The following USP24 variants were observed in gnomAD, a reference collection of about 807,000 sequenced individuals.
The protein encoded by USP24 is ubiquitin specific peptidase 24, also known as ubiquitin carboxyl-terminal hydrolase 24.
A neutral mutation model predicts 361.6 loss-of-function variants in USP24; 97 were observed. That is an observed-to-expected ratio of 0.27 (90% CI 0.23 to 0.32). The LOEUF (loss-of-function observed/expected upper bound fraction) is 0.32, where lower values mean the gene tolerates loss of function less well. USP24 is among the 10% of genes least tolerant of loss of function. The pLI, the probability that USP24 is intolerant of heterozygous loss-of-function variation, is 1.00. For missense variants in USP24, 2,353 were observed against 3,165.6 expected (o/e 0.74, Z 6.16); for synonymous variants, 1,098 against 1,124.6 (o/e 0.98, Z 0.47).
intron 47 of USP24, 77 bp downstream of exon 47, chr1:55,097,863 ATAC>A (rs978714999): frequency 6.5e-7 from 1 of 1,530,030 alleles, no homozygotes; most frequent in African/African-American, 1.4e-5. Context: ...TAGGAGCTTA[ATAC>A]TGATTTTACA....
chr1:55,106,248 T>A lies in USP24; in HGVS notation c.4778A>T (p.Lys1593Ile), dbSNP rs1188968476. The A allele has an allele frequency of 6.2e-7, 1 of 1,610,528 alleles. No individual in the cohort carries two copies. Residue 1593 changes from lysine to isoleucine, a missense_variant, in exon 41 of 68, where the codon AAA (lysine) becomes ATA (isoleucine). By Grantham distance (102) the Lys-to-Ile change is moderately radical. This residue lies in a region of USP24 where 949 missense variants were observed against 1,280.5 expected (regional missense o/e 0.74). Transcript: ENST00000294383. The part of the protein sequence containing the change: ...EKEMLGSSLI[K>I]PLLDDFLFRA... ...GAAAAGGAAGTCATCTAACAATGGTTTAATGAGTGATGAACCTGGAATAGA... is the reference window on the plus strand; with the variant it reads ...GAAAAGGAAGTCATCTAACAATGGTATAATGAGTGATGAACCTGGAATAGA...
At chr1:55,197,828 T>C (rs1644460720) in intron 1 of USP24, among the ~76,000 whole-genome samples, 1 of 152,228 alleles carries the variant, frequency 6.6e-6, no homozygotes, top group African/African-American at 2.4e-5. Flanking sequence ...CTGAAATCTA[T>C]CTCCACATAA....
chr1:55,193,807 G>A (rs1403668375), intron 1 of USP24, among the ~76,000 whole-genome samples: 2 of 151,940 alleles, frequency 1.3e-5, no homozygotes, highest in African/African-American at 2.4e-5. Flanking sequence ...TTTTTTACAT[G>A]AGCAAACAAA....
Position 55,147,665 on chromosome 1 carries a change from C to A in USP24, c.2102G>T (p.Arg701Leu), listed in dbSNP as rs979642953. The change falls in exon 18 of 68, where the codon CGG (arginine) becomes CTG (leucine). Residue 701 changes from arginine (R) to leucine (L), a missense_variant. By Grantham distance (102) the Arg-to-Leu change is moderately radical. This residue lies in a region of USP24 where 949 missense variants were observed against 1,280.5 expected (regional missense o/e 0.74). Coordinates refer to ENST00000294383, the MANE Select transcript of USP24 (RefSeq NM_015306.3). ...GLSGSTLVDGRYTYREYLEAH... is the reference protein window; with the variant it reads ...GLSGSTLVDGLYTYREYLEAH... ...GCCTGATACCTCCCGGTAAGTGTACCGGCCATCCACTAGTGTCGAGCCACT... is the reference window on the plus strand; with the variant it reads ...GCCTGATACCTCCCGGTAAGTGTACAGGCCATCCACTAGTGTCGAGCCACT... 1 of 1,608,240 alleles carries A rather than the reference C, an allele frequency of 6.2e-7. No individual in the cohort carries two copies. Among genetic ancestry groups the A allele is most frequent in the Non-Finnish European group, 8.5e-7 (1 of 1,177,346 alleles).
Position 55,124,701 on chromosome 1 carries a change from C to T in USP24, c.3961-73G>A, listed in dbSNP as rs1646377037. ...TGCCCTGACATGTACAACCTTCTTA[C>T]AGGTCTCAGTTTCATACGCCTCCTT... On this transcript the variant is annotated intron_variant, in intron 34 of 67. Coordinates refer to ENST00000294383, the MANE Select transcript of USP24 (RefSeq NM_015306.3). The T allele has an allele frequency of 2.6e-6, 4 of 1,545,726 alleles. No homozygotes were observed. In the South Asian group the frequency reaches 4.7e-5, roughly 18 times the overall value.
chr1:55,136,561 C>G (rs1646741464), intron 28 of USP24, among the ~76,000 whole-genome samples: 2 of 152,078 alleles, frequency 1.3e-5, no homozygotes. Flanking sequence ...CCAGGTGAGG[C>G]ATGGTGATTG....
chr1:55,150,608 T>C (rs894127167), intron 16 of USP24, among the ~76,000 whole-genome samples: 13 of 152,182 alleles, frequency 8.5e-5, no homozygotes, highest in African/African-American at 2.7e-4. Context: ...AAAAGTATCA[T>C]GATGGCCAAT....
chr1:55,104,545 T>G (rs1645722760), intron 41 of USP24, among the ~76,000 whole-genome samples: 1 of 152,216 alleles, frequency 6.6e-6, no homozygotes, highest in Non-Finnish European at 1.5e-5. Context: ...GCAAGCATTC[T>G]GCATGAAATC....
chr1:55,153,499 T>A (rs538584379), intron 16 of USP24, among the ~76,000 whole-genome samples: 1 of 152,306 alleles, frequency 6.6e-6, no homozygotes, highest in East Asian at 1.9e-4. Context: ...CTATGAATGC[T>A]CCTCCATTTC....
In USP24 at chr1:55,097,735, G is replaced by A. The variant is rs767226451; in HGVS notation, c.5596-18C>T. The stretch of plus-strand genomic sequence containing the variant: ...GTTATTCTCTAAAGAAAAAAAAAAG[G>A]AAAAAGAGCAAATCTGAATGATCTC... On this transcript the variant is annotated intron_variant, in intron 47 of 67. Transcript: ENST00000294383. 7 of 1,523,120 alleles carry A rather than the reference G, an allele frequency of 4.6e-6. No homozygotes were observed. The highest frequency in any genetic ancestry group is 6.1e-6 in the Non-Finnish European group (7 of 1,140,616). The allele number at this position is 1,523,120 out of a possible 1,614,324, so 94.4% of individuals were successfully genotyped here. A position where few individuals can be genotyped will look rare whatever the true frequency, so the allele number is the denominator to read the frequency against.
At chr1:55,199,613 G>C (rs1644511127) in intron 1 of USP24, among the ~76,000 whole-genome samples, 1 of 149,962 alleles carries the variant, frequency 6.7e-6, no homozygotes, top group Non-Finnish European at 1.5e-5. Flanking sequence ...GTGTGTGTGT[G>C]TGTGTGTGTG....
chr1:55,208,980 T>C (rs1388078590), intron 1 of USP24, among the ~76,000 whole-genome samples: 1 of 152,040 alleles, frequency 6.6e-6, no homozygotes, highest in Non-Finnish European at 1.5e-5. Context: ...TGTCACCTAC[T>C]ATCAATATGA....
At position 55,124,465 on chromosome 1, in the gene USP24, G is replaced by C; in HGVS notation, c.4120+4C>G. 1 of 1,608,302 alleles carries C rather than the reference G, an allele frequency of 6.2e-7. No individual in the cohort carries two copies. The highest frequency in any genetic ancestry group is 8.5e-7 in the Non-Finnish European group (1 of 1,176,950). ...TCTCATTACTGTCTCTTTTTAATCA[G>C]TACCTGAACTGCTGAGTCTGTTTCG... On this transcript the variant is annotated splice_donor_region_variant and intron_variant, in intron 35 of 67. Transcript: ENST00000294383.
chr1:55,145,815 T>C (rs1341361328), intron 20 of USP24, among the ~76,000 whole-genome samples, 183 bp downstream of exon 20: 3 of 152,282 alleles, frequency 2.0e-5, no homozygotes, highest in African/African-American at 7.2e-5. Flanking sequence ...AAACTAATTA[T>C]AAGATACCAT....
chr1:55,108,539 T>G (rs1173750169), intron 39 of USP24, among the ~76,000 whole-genome samples: 1 of 152,216 alleles, frequency 6.6e-6, no homozygotes, highest in East Asian at 1.9e-4. Context: ...GTGCTGTGTA[T>G]GAAGTGCTAG....
Position 55,098,460 on chromosome 1 carries a change from T to C in USP24, c.5453+16A>G. On this transcript the variant is annotated intron_variant, in intron 46 of 67. Coordinates refer to ENST00000294383, the MANE Select transcript of USP24 (RefSeq NM_015306.3). ...AGGATGATCATTTTTCCTGTGTCGG[T>C]GATATCTTCACTCACCTGTGAGGAC... is the stretch of plus-strand genomic sequence containing the variant. 1 of 1,598,226 alleles carries C rather than the reference T, an allele frequency of 6.3e-7. No individual in the cohort carries two copies. Among genetic ancestry groups the C allele is most frequent in the South Asian group, 1.1e-5 (1 of 89,778 alleles).
intron 16 of USP24, among the ~76,000 whole-genome samples, chr1:55,153,057 G>A (rs1260709180): frequency 8.5e-5 from 13 of 152,254 alleles, no homozygotes; most frequent in African/African-American, 3.1e-4. Flanking sequence ...ATCAGAAAGC[G>A]GAAGCCTTTC....
At chr1:55,105,205 C>T (rs1645738284) in intron 41 of USP24, among the ~76,000 whole-genome samples, 1 of 152,152 alleles carries the variant, frequency 6.6e-6, no homozygotes, top group African/African-American at 2.4e-5. Flanking sequence ...GTTTCTGCTG[C>T]TTTAATAAAA....
chr1:55,129,419 A>C, intron 32 of USP24, 58 bp downstream of exon 32: 2 of 1,437,678 alleles, frequency 1.4e-6, no homozygotes, highest in South Asian at 2.4e-5. Context: ...GGGGAAATTA[A>C]CTAAAATAAC....
Sources: gnomAD v4.1 joint callset for allele counts (sites outside exome capture counted in the v4.1 genomes callset) on GRCh38, gnomAD v4.1.1 for gene constraint, gnomAD v4.1.1 regional missense constraint, MANE v1.5 for transcripts, NCBI Gene and HGNC (gene_info 2026-07-23, HGNC 2026-07-21) for gene names.